TRAF3: variants seen among roughly 807,000 people sequenced by gnomAD.
TRAF3 encodes the protein TNF receptor associated factor 3, also known as TNF receptor-associated factor 3.
In TRAF3, 13 loss-of-function variants were observed where a neutral mutation model predicts 62.3. That is an observed-to-expected ratio of 0.21 (90% CI 0.14 to 0.33). The LOEUF (loss-of-function observed/expected upper bound fraction) is 0.33. TRAF3 is among the 10% of genes least tolerant of loss of function. The pLI, the probability that TRAF3 is intolerant of heterozygous loss-of-function variation, is 1.00. For synonymous variants in TRAF3, 269 were observed against 283.4 expected, an observed-to-expected ratio of 0.95 and a Z score of 0.51; for missense variants, 440 against 741.8, an observed-to-expected ratio of 0.59 and a Z score of 4.73.
At chr14:102,819,930 A>C (rs1899789016) in intron 1 of TRAF3, among the ~76,000 whole-genome samples, 1 of 152,272 alleles carries the variant, frequency 6.6e-6, no homozygotes, top group Non-Finnish European at 1.5e-5. Flanking sequence ...TTCAAATTGC[A>C]GAGAAGGGAT....
At chr14:102,894,976 A>C in intron 9 of TRAF3, 1 of 423,854 alleles carries the variant, frequency 2.4e-6, no homozygotes, top group Admixed American at 2.5e-5. Flanking sequence ...TGCTGAGACT[A>C]CACGTATGAG....
Position 102,903,685 on chromosome 14 carries a change from G to A in TRAF3, c.1135+256G>A, listed in dbSNP as rs1417943195. ...GAAAGTAGGGGCAGCTGCAGCCACG[G>A]GAAGCTGCAAAGCCCTCCTGGGAGA... On this transcript the variant is annotated intron_variant, in intron 11 of 11. Coordinates refer to ENST00000392745, the MANE Select transcript of TRAF3 (RefSeq NM_145725.3). This position sits in a 1 kb window ranked among gnomAD's most constrained non-coding sequence, Gnocchi z 6.4. The A allele has an allele frequency of 3.2e-6, 2 of 619,378 alleles. No homozygotes were observed. Among genetic ancestry groups the A allele is most frequent in the African/African-American group, 3.6e-5 (2 of 55,320 alleles). The allele number at this position is 619,378 out of a possible 1,614,324, so 38.4% of individuals were successfully genotyped here.
intron 1 of TRAF3, among the ~76,000 whole-genome samples, chr14:102,794,963 T>C (rs12432777): frequency 0.51 from 77,601 of 152,050 alleles, 22,505 homozygotes; most frequent in South Asian, 0.73. Flanking sequence ...TGTTGAAACC[T>C]TCCCTTTTAT....
chr14:102,811,788 C>A lies in TRAF3; in HGVS notation c.-156-18546C>A, dbSNP rs145138022. Among the ~76,000 whole-genome samples, 629 of 150,242 alleles carry A rather than the reference C, an allele frequency of 4.2e-3. 3 individuals carry two copies. Among genetic ancestry groups the A allele is most frequent in the African/African-American group, 0.011 (463 of 40,862 alleles). On this transcript the variant is annotated intron_variant, in intron 1 of 11. Coordinates refer to ENST00000392745, the MANE Select transcript of TRAF3 (RefSeq NM_145725.3). ...TTGTACAGACTGTCTCACTCTGCCA[C>A]CCAGGCTGGAGTGCAGTGGTGCAGT...
chr14:102,876,316 G>A (rs969061104), intron 5 of TRAF3, 42 bp from the exon 6 acceptor site: 1 of 1,609,088 alleles, frequency 6.2e-7, no homozygotes, highest in Non-Finnish European at 8.5e-7. Flanking sequence ...CAGATTTAGG[G>A]TTTTTTTCCC....
At chr14:102,841,915 G>C (rs150805517) in intron 2 of TRAF3, among the ~76,000 whole-genome samples, 50 of 152,146 alleles carry the variant, frequency 3.3e-4, no homozygotes, top group African/African-American at 1.1e-3. Flanking sequence ...AAAAAAGATT[G>C]AAATAAAACT....
intron 7 of TRAF3, among the ~76,000 whole-genome samples, chr14:102,888,061 G>A (rs927422371): frequency 6.6e-6 from 1 of 152,106 alleles, no homozygotes; most frequent in African/African-American, 2.4e-5. Flanking sequence ...ACCCAACACC[G>A]AATTTACTCT....
intron 1 of TRAF3, among the ~76,000 whole-genome samples, chr14:102,792,745 T>C (rs928759087): frequency 6.6e-6 from 1 of 152,210 alleles, no homozygotes; most frequent in East Asian, 1.9e-4. Context: ...TTTGTCATGG[T>C]ATATAATCCT....
intron 10 of TRAF3, among the ~76,000 whole-genome samples, chr14:102,900,506 A>G (rs1313878110): frequency 1.3e-5 from 2 of 152,236 alleles, no homozygotes; most frequent in African/African-American, 2.4e-5. Context: ...CTCAAAGAAA[A>G]AAAAGAAGAT....
In TRAF3 at chr14:102,905,904, A is replaced by C; in HGVS notation, c.*120A>C. 1.1e-6 allele frequency: 1 copy of C among 950,000 alleles called. No homozygotes were observed. Among genetic ancestry groups the C allele is most frequent in the South Asian group, 1.7e-5 (1 of 59,932 alleles). The allele number at this position is 950,000 out of a possible 1,614,324, so 58.8% of individuals were successfully genotyped here. ...CCTTGTGAGACGGAGGAAGCGGCAGAAGGCGGACGCGTGCCGGCGGGAGGA... is the reference window on the plus strand; with the variant it reads ...CCTTGTGAGACGGAGGAAGCGGCAGCAGGCGGACGCGTGCCGGCGGGAGGA... On this transcript the variant is annotated 3_prime_UTR_variant, in exon 12 of 12. Transcript: ENST00000392745.
At chr14:102,802,514 T>C (rs1161184721) in intron 1 of TRAF3, among the ~76,000 whole-genome samples, 1 of 147,704 alleles carries the variant, frequency 6.8e-6, no homozygotes, top group Non-Finnish European at 1.5e-5. Context: ...GCTGTATTAG[T>C]CCAATTTCAC....
At chr14:102,821,916 C>T (rs549584942) in intron 1 of TRAF3, among the ~76,000 whole-genome samples, 16 of 152,186 alleles carry the variant, frequency 1.1e-4, no homozygotes, top group African/African-American at 3.9e-4. Flanking sequence ...GTGGCGTGTG[C>T]CTGTAATCCT....
intron 9 of TRAF3, among the ~76,000 whole-genome samples, chr14:102,893,930 TA>T (rs1889864426): frequency 6.6e-6 from 1 of 152,252 alleles, no homozygotes; most frequent in Admixed American, 6.5e-5. Flanking sequence ...TATGTTTACT[TA>T]AAATGGGAAT....
At position 102,908,034 on chromosome 14, in the gene TRAF3, C is replaced by T. The variant is rs1890671233; in HGVS notation, c.*2250C>T. On this transcript the variant is annotated 3_prime_UTR_variant, in exon 12 of 12. Transcript: ENST00000392745. The stretch of plus-strand genomic sequence containing the variant: ...GCCAGGGGTTAACAACAGGGACATC[C>T]CTGCAACTTCCCCTTCACAAAATGT... 1 of 152,282 alleles carries T rather than the reference C, an allele frequency of 6.6e-6. No individual in the cohort carries two copies. Among genetic ancestry groups the T allele is most frequent in the African/African-American group, 2.4e-5 (1 of 41,472 alleles). 9.4% of individuals were successfully genotyped at this position (152,282 alleles called of 1,614,324 possible). A position where few individuals can be genotyped will look rare whatever the true frequency, so the allele number is the denominator to read the frequency against.
chr14:102,839,222 T>C (rs1886222787), intron 2 of TRAF3, among the ~76,000 whole-genome samples: 2 of 136,446 alleles, frequency 1.5e-5, no homozygotes, highest in South Asian at 2.4e-4. Flanking sequence ...TTTTTTTTTT[T>C]TTTTTTTTTT....
chr14:102,874,746 G>A (rs1204065098), intron 4 of TRAF3, among the ~76,000 whole-genome samples: 1 of 151,818 alleles, frequency 6.6e-6, no homozygotes, highest in Non-Finnish European at 1.5e-5. Flanking sequence ...TACCTGCCAG[G>A]CTAAAGCAGT....
intron 3 of TRAF3, among the ~76,000 whole-genome samples, chr14:102,870,964 C>T (rs1888308262): frequency 6.6e-6 from 1 of 152,234 alleles, no homozygotes; most frequent in Non-Finnish European, 1.5e-5. Context: ...AGTGCTGGTA[C>T]CGCTGGTGGA....
intron 11 of TRAF3, among the ~76,000 whole-genome samples, chr14:102,904,195 A>C (rs1334614916): frequency 6.6e-6 from 1 of 152,222 alleles, no homozygotes; most frequent in Admixed American, 6.5e-5. Context: ...ACCGCCCAGG[A>C]CATCCCCTGT....
Position 102,826,425 on chromosome 14 carries a change from C to T in TRAF3, c.-156-3909C>T, listed in dbSNP as rs1053364765. ...TTCTGTGCGGGGGCAGCTGCAGAGC[C>T]GCCGCTTCAGGACAGCATGGGAGCT... On this transcript the variant is annotated intron_variant, in intron 1 of 11. Coordinates refer to ENST00000392745, the MANE Select transcript of TRAF3 (RefSeq NM_145725.3). The surrounding 1 kb of genome is among the most constrained non-coding windows in gnomAD (Gnocchi z 4.6). 3.9e-5 allele frequency among the ~76,000 whole-genome samples: 6 copies of T among 152,268 alleles called. No homozygotes were observed. The highest frequency in any genetic ancestry group is 3.4e-3 in the Middle Eastern group (1 of 294).
Sources: allele counts gnomAD v4.1 joint callset (sites outside exome capture counted in the v4.1 genomes callset), GRCh38; gene constraint gnomAD v4.1.1; non-coding constraint Gnocchi (gnomAD v3.1); transcripts MANE v1.5; gene names NCBI Gene and HGNC (gene_info 2026-07-23, HGNC 2026-07-21).